The following DNAJC11 variants were observed in gnomAD, a reference collection of about 807,000 sequenced individuals.
DNAJC11 encodes DnaJ heat shock protein family (Hsp40) member C11.
Under a neutral mutation model 78.6 loss-of-function variants are expected in DNAJC11, and 15 were observed. The ratio of observed to expected loss-of-function variants is 0.19; its 90% CI spans 0.13 to 0.29. The LOEUF (loss-of-function observed/expected upper bound fraction) is 0.29. Among genes scored for constraint, DNAJC11 ranks in the 10% least tolerant of loss-of-function variants. DNAJC11 has a pLI of 1.00. For synonymous variants in DNAJC11, 292 were observed against 272.1 expected, an observed-to-expected ratio of 1.07 and a Z score of -0.72; for missense variants, 547 against 709.6, an observed-to-expected ratio of 0.77 and a Z score of 2.60.
At position 6,652,866 on chromosome 1, in the gene DNAJC11, G is replaced by A. The variant is rs201917830; in HGVS notation, c.593C>T (p.Ala198Val). ...CTTTGCCGAAGTTACTCGTCTGAGC[G>A]CAAAGTTAATGGAACCTCCTCCATT... The part of the protein sequence containing the change: ...NGNGGGSINF[A>V]LRRVTSAKGW... The change falls in exon 6 of 16, where the codon GCG (alanine) becomes GTG (valine). Residue 198 changes from alanine (A) to valine (V), a missense_variant. Ala to Val is a moderately conservative substitution (Grantham distance 64). Transcript: ENST00000377577. The A allele has an allele frequency of 8.7e-6, 14 of 1,614,168 alleles. No individual in the cohort carries two copies. In the East Asian group the frequency reaches 1.6e-4, roughly 18 times the overall value.
intron 4 of DNAJC11, among the ~76,000 whole-genome samples, chr1:6,660,150 T>C (rs1466223857): frequency 6.7e-6 from 1 of 149,832 alleles, no homozygotes; most frequent in Non-Finnish European, 1.5e-5. Flanking sequence ...TCTCTCTCCT[T>C]CTAATATATA....
At chr1:6,660,523 A>G (rs910190178) in intron 4 of DNAJC11, among the ~76,000 whole-genome samples, 10 of 152,074 alleles carry the variant, frequency 6.6e-5, no homozygotes, top group African/African-American at 2.4e-4. Context: ...ATTCAGCTTC[A>G]TGGCAGGATT....
intron 1 of DNAJC11, among the ~76,000 whole-genome samples, chr1:6,685,412 G>A (rs1642639718): frequency 6.6e-6 from 1 of 152,144 alleles, no homozygotes; most frequent in South Asian, 2.1e-4. Flanking sequence ...ATGATCTTGG[G>A]AACAAACGTG....
chr1:6,652,744 A>C lies in DNAJC11; in HGVS notation c.630+85T>G, dbSNP rs924669722. ...ACACAACAACGGGGCCCCCAGGGTG[A>C]GTTTGAGGGTGAGCTTTGAGAGTGT... On this transcript the variant is annotated intron_variant, in intron 6 of 15. Coordinates refer to ENST00000377577, the MANE Select transcript of DNAJC11 (RefSeq NM_018198.4). 2.9e-5 allele frequency: 46 copies of C among 1,568,382 alleles called. No homozygotes were observed. The African/African-American group carries it at 5.1e-4, about 18-fold the overall frequency.
Position 6,701,758 on chromosome 1 carries a change from A to G in DNAJC11, c.43T>C (p.Tyr15His). ...CTGCGCACGTTCAGCAACGAGTAAT[A>G]GTCTTCATTGTCCAGCTCCTCCTCG... ...LSEEELDNEDYYSLLNVRREA... is the reference protein window; with the variant it reads ...LSEEELDNEDHYSLLNVRREA... Residue 15 changes from tyrosine (Y) to histidine (H), a missense_variant, in exon 1 of 16, where the codon TAT (tyrosine) becomes CAT (histidine). By Grantham distance (83) the Tyr-to-His change is moderately conservative. Transcript: ENST00000377577. 1 of 1,567,806 alleles carries G rather than the reference A, an allele frequency of 6.4e-7. No homozygotes were observed. The highest frequency in any genetic ancestry group is 8.6e-7 in the Non-Finnish European group (1 of 1,159,292).
intron 3 of DNAJC11, among the ~76,000 whole-genome samples, chr1:6,673,796 A>G (rs528965793): frequency 6.6e-6 from 1 of 152,330 alleles, no homozygotes; most frequent in East Asian, 1.9e-4. Context: ...GCTCTGTGAC[A>G]GTTCTAAACC....
intron 15 of DNAJC11, among the ~76,000 whole-genome samples, 171 bp from the exon 16 acceptor site, chr1:6,635,871 C>A (rs1333852340): frequency 6.6e-6 from 1 of 152,214 alleles, no homozygotes; most frequent in Non-Finnish European, 1.5e-5. Context: ...TGCTTTCATC[C>A]CCCGCCACTC....
chr1:6,655,480 C>G (rs1254491866), intron 4 of DNAJC11, among the ~76,000 whole-genome samples: 1 of 152,174 alleles, frequency 6.6e-6, no homozygotes, highest in East Asian at 1.9e-4. Flanking sequence ...GAACACATCT[C>G]TGTCATGATG....
At chr1:6,689,232 A>T (rs1026427808) in intron 1 of DNAJC11, among the ~76,000 whole-genome samples, 1 of 152,254 alleles carries the variant, frequency 6.6e-6, no homozygotes, top group African/African-American at 2.4e-5. Context: ...AGGAAACAGC[A>T]GCAGAAATTC....
At chr1:6,646,299 G>C (rs990738358) in intron 7 of DNAJC11, among the ~76,000 whole-genome samples, 1 of 152,210 alleles carries the variant, frequency 6.6e-6, no homozygotes, top group Non-Finnish European at 1.5e-5. Context: ...GCCGAGGAGT[G>C]CAAGTCAGAA....
At chr1:6,660,062 A>C (rs1642185348) in intron 4 of DNAJC11, among the ~76,000 whole-genome samples, 2 of 141,638 alleles carry the variant, frequency 1.4e-5, no homozygotes, top group Non-Finnish European at 1.5e-5. Flanking sequence ...TCTCAAAAAC[A>C]AAAAAAAAAA....
chr1:6,673,151 G>C (rs368506654), intron 3 of DNAJC11, among the ~76,000 whole-genome samples: 2 of 134,672 alleles, frequency 1.5e-5, no homozygotes, highest in East Asian at 4.3e-4. Context: ...AACGGAGATC[G>C]TGCCACTTCA....
intron 7 of DNAJC11, among the ~76,000 whole-genome samples, chr1:6,647,142 G>C (rs1188398122): frequency 1.4e-5 from 2 of 143,848 alleles, no homozygotes; most frequent in Non-Finnish European, 3.0e-5. Flanking sequence ...GCAGTAGCGT[G>C]ATCTTCTCAG....
At position 6,644,613 on chromosome 1, in the gene DNAJC11, C is replaced by T. The variant is rs748488397; in HGVS notation, c.1042G>A (p.Val348Ile). 3 of 1,614,226 alleles carry T rather than the reference C, an allele frequency of 1.9e-6. No individual in the cohort carries two copies. The highest frequency in any genetic ancestry group is 2.5e-6 in the Non-Finnish European group (3 of 1,180,042). Reference protein sequence around the residue: ...GAERKISRHSVLGAAVSVGVP... With the variant: ...GAERKISRHSILGAAVSVGVP... The stretch of plus-strand genomic sequence containing the variant: ...CCAACGCTGACAGCTGCACCCAAAA[C>T]GCTGTGCCTGGAGATCTTCCTCTCA... The change falls in exon 10 of 16, where the codon GTT (valine) becomes ATT (isoleucine). Residue 348 changes from valine (V) to isoleucine (I), a missense_variant. Coordinates refer to ENST00000377577, the MANE Select transcript of DNAJC11 (RefSeq NM_018198.4).
intron 3 of DNAJC11, 74 bp from the exon 4 acceptor site, chr1:6,667,884 C>T (rs557733638): frequency 6.9e-7 from 1 of 1,448,192 alleles, no homozygotes; most frequent in African/African-American, 1.4e-5. Context: ...AGAGCTGCAG[C>T]CATTGATTTT....
intron 4 of DNAJC11, among the ~76,000 whole-genome samples, chr1:6,658,513 C>G (rs75783501): frequency 6.6e-6 from 1 of 152,250 alleles, no homozygotes; most frequent in African/African-American, 2.4e-5. Flanking sequence ...GAAGAAACAG[C>G]TCCAAGAGCT....
intron 1 of DNAJC11, among the ~76,000 whole-genome samples, chr1:6,695,162 A>T (rs2412312): frequency 3.2e-4 from 7 of 21,628 alleles, no homozygotes; most frequent in African/African-American, 1.5e-3. Flanking sequence ...AAAAAAAAAA[A>T]TTTTTTTTTT....
chr1:6,678,957 A>T (rs1052078531), intron 2 of DNAJC11, among the ~76,000 whole-genome samples: 1 of 152,132 alleles, frequency 6.6e-6, no homozygotes, highest in African/African-American at 2.4e-5. Flanking sequence ...CTAATGTAGG[A>T]TATGTTTAAA....
At chr1:6,639,801 C>T (rs1262367898) in intron 11 of DNAJC11, 101 bp downstream of exon 11, 2 of 1,339,568 alleles carry the variant, frequency 1.5e-6, no homozygotes, top group South Asian at 1.6e-5. Context: ...CAGGTTTCCT[C>T]ATCACCCGAC....
Sources: gnomAD v4.1 joint callset for allele counts (sites outside exome capture counted in the v4.1 genomes callset) on GRCh38, gnomAD v4.1.1 for gene constraint, MANE v1.5 for transcripts, NCBI Gene and HGNC (gene_info 2026-07-23, HGNC 2026-07-21) for gene names.